Variants in MPDZ observed in about 807,000 individuals in gnomAD.
MPDZ encodes the protein multiple PDZ domain crumbs cell polarity complex component.
In MPDZ, 234 loss-of-function variants were observed where a neutral mutation model predicts 239.1. That is an observed-to-expected ratio of 0.98 (90% CI 0.88 to 1.09). MPDZ has a LOEUF of 1.09. Among genes scored for constraint, MPDZ ranks in the 50% least tolerant of loss-of-function variants. The pLI is 0.00. For synonymous variants in MPDZ, 1,048 were observed against 881.3 expected (o/e 1.19, Z -3.35); for missense variants, 3,175 against 2,510.0 (o/e 1.26, Z -5.66).
At chr9:13,267,962 A>G (rs1235740516) in intron 1 of MPDZ, among the ~76,000 whole-genome samples, 2 of 152,172 alleles carry the variant, frequency 1.3e-5, no homozygotes, top group East Asian at 3.9e-4. Context: ...AGCAAAACAC[A>G]GAGTCATTAA....
Position 13,196,119 on chromosome 9 carries a change from A to G in MPDZ, c.1656+2T>C. The G allele has an allele frequency of 6.3e-7, 1 of 1,579,010 alleles. No individual in the cohort carries two copies. ...AAAATTACAGAAGGTCAGCTAACCT[A>G]CCACTATTTCATAGTTAATTCCCAT... is the stretch of plus-strand genomic sequence containing the variant. On this transcript the variant is annotated splice_donor_variant, in intron 13 of 46. Transcript: ENST00000319217. LOFTEE classifies it high-confidence loss of function.
At chr9:13,235,897 T>C (rs916825152) in intron 3 of MPDZ, among the ~76,000 whole-genome samples, 12 of 152,028 alleles carry the variant, frequency 7.9e-5, no homozygotes, top group African/African-American at 2.9e-4. Flanking sequence ...CTTTTCCCTT[T>C]TTATATTTGG....
At chr9:13,265,585 A>G (rs1448245405) in intron 1 of MPDZ, among the ~76,000 whole-genome samples, 1 of 152,170 alleles carries the variant, frequency 6.6e-6, no homozygotes, top group Non-Finnish European at 1.5e-5. Flanking sequence ...GAAAAGAAGA[A>G]AAGAAAGCAT....
In MPDZ at chr9:13,221,391, G is replaced by C. The variant is rs756297120; in HGVS notation, c.857C>G (p.Pro286Arg). ...GCCTACCTGATCAGCTACTCCTCCA[G>C]GCAGAATGGTTTTTACTATCACACC... Reference protein sequence around the residue: ...ATGVIVKTILPGGVADQHGRL... With the variant: ...ATGVIVKTILRGGVADQHGRL... The change falls in exon 7 of 47, where the codon CCT becomes CGT. Residue 286 changes from proline (P) to arginine (R), a missense_variant. Transcript: ENST00000319217. The C allele has an allele frequency of 9.3e-6, 15 of 1,609,314 alleles. No homozygotes were observed. In the South Asian group the frequency reaches 1.7e-4, roughly 18 times the overall value.
chr9:13,226,371 T>G (rs1793829331), intron 3 of MPDZ, among the ~76,000 whole-genome samples: 1 of 152,118 alleles, frequency 6.6e-6, no homozygotes, highest in African/African-American at 2.4e-5. Flanking sequence ...ATTGTGACTT[T>G]TTATCTGTAA....
intron 3 of MPDZ, among the ~76,000 whole-genome samples, chr9:13,246,617 C>G (rs763055221): frequency 6.6e-6 from 1 of 152,082 alleles, no homozygotes; most frequent in Non-Finnish European, 1.5e-5. Context: ...TTTTTTGCTA[C>G]AAAATATTTA....
At position 13,143,474 on chromosome 9, in the gene MPDZ, C is replaced by G. The variant is rs370525854; in HGVS notation, c.3832G>C (p.Ala1278Pro). ...NPFADSLQINADKAPSQSESE... is the reference protein window; with the variant it reads ...NPFADSLQINPDKAPSQSESE... The stretch of plus-strand genomic sequence containing the variant: ...AATGGGCATTATCCAACCTTGTCGG[C>G]GTTGATTTGTAGAGAGTCAGCAAAT... Residue 1278 changes from alanine (A) to proline (P), a missense_variant, in exon 27 of 47, where the codon GCC (alanine) becomes CCC (proline). Coordinates refer to ENST00000319217, the MANE Select transcript of MPDZ (RefSeq NM_001378778.1). 7 of 1,611,128 alleles carry G rather than the reference C, an allele frequency of 4.3e-6. No individual in the cohort carries two copies. Among genetic ancestry groups the G allele is most frequent in the Non-Finnish European group, 5.9e-6 (7 of 1,177,774 alleles).
At chr9:13,231,786 G>T (rs922810208) in intron 3 of MPDZ, among the ~76,000 whole-genome samples, 8 of 150,926 alleles carry the variant, frequency 5.3e-5, no homozygotes, top group African/African-American at 1.9e-4. Flanking sequence ...ACTCTAACAA[G>T]GATTATACTA....
At chr9:13,183,609 G>A in intron 18 of MPDZ, 24 bp from the exon 19 acceptor site, 1 of 1,607,610 alleles carries the variant, frequency 6.2e-7, no homozygotes, top group African/African-American at 1.3e-5. Flanking sequence ...AATAATATCA[G>A]TTGGGAATTC....
intron 24 of MPDZ, among the ~76,000 whole-genome samples, chr9:13,153,341 T>C (rs559863948): frequency 2.0e-5 from 3 of 152,260 alleles, no homozygotes; most frequent in South Asian, 4.1e-4. Flanking sequence ...CTTATAAAAT[T>C]TTTGTGAATA....
chr9:13,187,345 G>A (rs899472354), intron 17 of MPDZ, among the ~76,000 whole-genome samples: 1 of 151,978 alleles, frequency 6.6e-6, no homozygotes, highest in Admixed American at 6.6e-5. Context: ...TCATCTTAAG[G>A]ACAGTAAAAC....
In MPDZ at chr9:13,153,866, T is replaced by C. The variant is rs576411132; in HGVS notation, c.3453-3178A>G. ...AAAATGTCTCCAAGGGCTCTTTATGTTTGGTGCAAATTAGAAAGTGATTCT... is the reference window on the plus strand; with the variant it reads ...AAAATGTCTCCAAGGGCTCTTTATGCTTGGTGCAAATTAGAAAGTGATTCT... On this transcript the variant is annotated intron_variant, in intron 24 of 46. Coordinates refer to ENST00000319217, the MANE Select transcript of MPDZ (RefSeq NM_001378778.1). Among the ~76,000 whole-genome samples, 9 of 152,200 alleles carry C rather than the reference T, an allele frequency of 5.9e-5. No homozygotes were observed. The South Asian group carries it at 1.9e-3, about 32-fold the overall frequency.
intron 1 of MPDZ, 57 bp from the exon 2 acceptor site, chr9:13,250,429 T>A (rs1967633687): frequency 1.1e-6 from 1 of 922,796 alleles, no homozygotes. Flanking sequence ...ATTCTAAAGC[T>A]ATATACTCTG....
At chr9:13,168,911 T>C (rs1951432330) in intron 21 of MPDZ, among the ~76,000 whole-genome samples, 1 of 152,164 alleles carries the variant, frequency 6.6e-6, no homozygotes, top group African/African-American at 2.4e-5. Context: ...TTAGTTCAGC[T>C]TTTACACATA....
At chr9:13,184,945 G>A (rs771296061) in intron 18 of MPDZ, among the ~76,000 whole-genome samples, 2 of 151,980 alleles carry the variant, frequency 1.3e-5, no homozygotes, top group Admixed American at 6.6e-5. Context: ...TCTTCCTTTT[G>A]ATTGGTATCC....
At position 13,113,066 on chromosome 9, in the gene MPDZ, A is replaced by T; in HGVS notation, c.5558-12T>A. On this transcript the variant is annotated splice_polypyrimidine_tract_variant and intron_variant, in intron 41 of 46. Transcript: ENST00000319217. Reference sequence around the variant, plus strand: ...TATTTCAGATGCCACTGTAAAGGCAAAAAAGATAAAATAGGGTTATTTTAT... The same window carrying T: ...TATTTCAGATGCCACTGTAAAGGCATAAAAGATAAAATAGGGTTATTTTAT... 1 of 1,560,962 alleles carries T rather than the reference A, an allele frequency of 6.4e-7. No homozygotes were observed. Among genetic ancestry groups the T allele is most frequent in the Non-Finnish European group, 8.7e-7 (1 of 1,150,390 alleles).
intron 5 of MPDZ, among the ~76,000 whole-genome samples, chr9:13,222,836 C>A (rs915430480): frequency 6.6e-6 from 1 of 151,358 alleles, no homozygotes; most frequent in African/African-American, 2.4e-5. Flanking sequence ...AGATTAGATC[C>A]CCAACTGGGG....
At chr9:13,272,646 T>C (rs1973253172) in intron 1 of MPDZ, among the ~76,000 whole-genome samples, 1 of 144,190 alleles carries the variant, frequency 6.9e-6, no homozygotes, top group Non-Finnish European at 1.5e-5. Flanking sequence ...TCACCTGACC[T>C]GAGGTCAGGC....
chr9:13,210,796 TC>T (rs1327783993), intron 10 of MPDZ, among the ~76,000 whole-genome samples: 1 of 152,062 alleles, frequency 6.6e-6, no homozygotes, highest in Non-Finnish European at 1.5e-5. Flanking sequence ...ACGTTAAAAA[TC>T]CATCATCTGT....
Sources: gnomAD v4.1 joint callset for allele counts (sites outside exome capture counted in the v4.1 genomes callset) on GRCh38, gnomAD v4.1.1 for gene constraint, MANE v1.5 for transcripts, NCBI Gene and HGNC (gene_info 2026-07-23, HGNC 2026-07-21) for gene names.